MAP2: variants seen among roughly 807,000 people sequenced by gnomAD.
The protein encoded by MAP2 is microtubule associated protein 2.
A neutral mutation model predicts 137.6 loss-of-function variants in MAP2; 14 were observed. The ratio of observed to expected loss-of-function variants is 0.10; its 90% CI spans 0.07 to 0.16. The LOEUF (loss-of-function observed/expected upper bound fraction) is 0.16, where lower values mean the gene tolerates loss of function less well. Among genes scored for constraint, MAP2 ranks in the 10% least tolerant of loss-of-function variants. The pLI, the probability that MAP2 is intolerant of heterozygous loss-of-function variation, is 1.00. For missense variants in MAP2, 2,088 were observed against 2,191.5 expected, an observed-to-expected ratio of 0.95 and a Z score of 0.94; for synonymous variants, 786 against 782.3, an observed-to-expected ratio of 1.00 and a Z score of -0.08.
chr2:209,654,677 C>CACTA (rs113715266), intron 5 of MAP2, among the ~76,000 whole-genome samples: 5,016 of 152,046 alleles, frequency 0.033, 270 homozygotes, highest in African/African-American at 0.11. Flanking sequence ...GTGTCAGGAG[C>CACTA]ACTAAGAGGA....
In MAP2 at chr2:209,639,699, C is replaced by A. The variant is rs552262744; in HGVS notation, c.-29-13443C>A. Among the ~76,000 whole-genome samples the A allele has an allele frequency of 1.2e-4, 18 of 152,212 alleles. No homozygotes were observed. In the South Asian group the frequency reaches 3.7e-3, roughly 32 times the overall value. ...TCTGCCATTGCCTGGCCATCGACCT[C>A]ATTTCCACACTTCCCACTTCACTTC... is the stretch of plus-strand genomic sequence containing the variant. On this transcript the variant is annotated intron_variant, in intron 4 of 15. Transcript: ENST00000682079.
At chr2:209,684,447 C>A (rs2056186620) in intron 7 of MAP2, among the ~76,000 whole-genome samples, 1 of 152,198 alleles carries the variant, frequency 6.6e-6, no homozygotes. Context: ...CGGCCAGCAG[C>A]CATCGACCAT....
At chr2:209,673,119 A>G (rs114850581) in intron 5 of MAP2, among the ~76,000 whole-genome samples, 1,596 of 151,966 alleles carry the variant, frequency 0.011, 23 homozygotes, top group African/African-American at 0.037. Context: ...ATCTGCTATC[A>G]TCTATTGCTC....
intron 2 of MAP2, among the ~76,000 whole-genome samples, chr2:209,556,045 T>C (rs1295371959): frequency 2.1e-5 from 3 of 141,714 alleles, no homozygotes; most frequent in Non-Finnish European, 4.5e-5. Flanking sequence ...TTCTTTTCTT[T>C]TTTTTTTTTT....
At chr2:209,535,257 A>G (rs1186915607) in intron 2 of MAP2, among the ~76,000 whole-genome samples, 2 of 152,114 alleles carry the variant, frequency 1.3e-5, no homozygotes, top group Non-Finnish European at 2.9e-5. Flanking sequence ...CATGTGCTCA[A>G]TTTGTTCTTT....
intron 1 of MAP2, among the ~76,000 whole-genome samples, chr2:209,492,178 A>G (rs1253466359): frequency 6.6e-6 from 1 of 152,238 alleles, no homozygotes; most frequent in Non-Finnish European, 1.5e-5. Flanking sequence ...CATAAAACCA[A>G]TGACAAAAAA....
intron 14 of MAP2, among the ~76,000 whole-genome samples, chr2:209,727,833 C>T (rs529936270): frequency 6.6e-6 from 1 of 152,160 alleles, no homozygotes; most frequent in Non-Finnish European, 1.5e-5. Flanking sequence ...CTAACAGTTG[C>T]ATAAGAATTT....
chr2:209,565,360 G>A (rs1024497543), intron 2 of MAP2, among the ~76,000 whole-genome samples: 3 of 151,970 alleles, frequency 2.0e-5, no homozygotes, highest in Non-Finnish European at 4.4e-5. Flanking sequence ...TGGGACTACA[G>A]GTACACACTA....
rs556964155 is a variant in MAP2 at position 209,599,157 on chromosome 2, A to G, written c.-107+19057A>G. ...TTGCCATTCTAACTGGTGTGAGATG[A>G]TATCTCATTGTGGTTTTGATTTGCA... On this transcript the variant is annotated intron_variant, in intron 3 of 15. Coordinates refer to ENST00000682079, the MANE Select transcript of MAP2 (RefSeq NM_001375505.1). Among the ~76,000 whole-genome samples the G allele has an allele frequency of 4.7e-3, 719 of 152,040 alleles. 2 individuals carry two copies. The highest frequency in any genetic ancestry group is 7.3e-3 in the Non-Finnish European group (497 of 67,926).
intron 5 of MAP2, among the ~76,000 whole-genome samples, chr2:209,662,560 TAA>T (rs2044158985): frequency 6.6e-6 from 1 of 152,194 alleles, no homozygotes; most frequent in African/African-American, 2.4e-5. Context: ...AAGATCTTGT[TAA>T]GTTTTCTCTC....
intron 1 of MAP2, among the ~76,000 whole-genome samples, chr2:209,491,482 C>A (rs1441199516): frequency 6.6e-6 from 1 of 151,744 alleles, no homozygotes; most frequent in African/African-American, 2.4e-5. Flanking sequence ...CATGAAACAC[C>A]CTTCAAAAAA....
rs1559371116 is a variant in MAP2, at chr2:209,593,637, ATATATATAT to A, written c.-107+13538_-107+13546del. Among the ~76,000 whole-genome samples, 39 of 31,836 alleles carry A rather than the reference ATATATATAT, an allele frequency of 1.2e-3. 4 individuals carry two copies. Among genetic ancestry groups the A allele is most frequent in the African/African-American group, 1.6e-3 (11 of 6,814 alleles). The allele number at this position is 31,836 out of a possible 152,430, so 20.9% of individuals were successfully genotyped here. On this transcript the variant is annotated intron_variant, in intron 3 of 15. Transcript: ENST00000682079. Reference sequence around the variant, plus strand: ...GTCTCTACAAAAAAAAAAAAAAAATATATATATATATATATATATATATATATATATATA... The same window carrying A: ...GTCTCTACAAAAAAAAAAAAAAAATAATATATATATATATATATATATATA...
chr2:209,621,790 A>G (rs775477197), intron 3 of MAP2, among the ~76,000 whole-genome samples: 40 of 152,318 alleles, frequency 2.6e-4, no homozygotes, highest in Middle Eastern at 3.4e-3. Context: ...TGAATTTATC[A>G]TTATAGCCTC....
intron 3 of MAP2, among the ~76,000 whole-genome samples, chr2:209,605,748 T>C (rs996286635): frequency 1.3e-5 from 2 of 152,214 alleles, no homozygotes; most frequent in Non-Finnish European, 2.9e-5. Context: ...TGTGCCCTTA[T>C]CCTTGTGGTT....
At chr2:209,545,025 T>G (rs943931497) in intron 2 of MAP2, among the ~76,000 whole-genome samples, 2 of 152,210 alleles carry the variant, frequency 1.3e-5, no homozygotes, top group African/African-American at 4.8e-5. Flanking sequence ...TTCAAACTAT[T>G]TTTGCCTGTT....
chr2:209,726,970 G>A (rs898208765), intron 14 of MAP2, among the ~76,000 whole-genome samples: 3 of 152,140 alleles, frequency 2.0e-5, no homozygotes, highest in Non-Finnish European at 2.9e-5. Flanking sequence ...CAATTGAGCT[G>A]TTAGCTGACA....
At chr2:209,726,725 C>T (rs2074185056) in intron 14 of MAP2, among the ~76,000 whole-genome samples, 2 of 152,216 alleles carry the variant, frequency 1.3e-5, no homozygotes, top group African/African-American at 4.8e-5. Context: ...GATCACACCA[C>T]TGCACTCCAG....
Position 209,730,030 on chromosome 2 carries a change from A to G in MAP2, c.5268+68A>G, listed in dbSNP as rs75179867. The G allele has an allele frequency of 2.1e-3, 2,723 of 1,278,772 alleles. 36 individuals are homozygous for G. The African/African-American group carries it at 0.036, about 17-fold the overall frequency. The allele number at this position is 1,278,772 out of a possible 1,614,324, so 79.2% of individuals were successfully genotyped here. ...AATTCTTCTGAAATACTCTTCATCA[A>G]AATAGGTCCCAGATTGTAGACCTGG... On this transcript the variant is annotated intron_variant, in intron 15 of 15. Coordinates refer to ENST00000682079, the MANE Select transcript of MAP2 (RefSeq NM_001375505.1).
chr2:209,616,084 T>C (rs1457549868), intron 3 of MAP2, among the ~76,000 whole-genome samples: 1 of 152,164 alleles, frequency 6.6e-6, no homozygotes, highest in African/African-American at 2.4e-5. Flanking sequence ...CTCTCCACGC[T>C]TCAATGTCCT....
Sources: gnomAD v4.1 joint callset for allele counts (sites outside exome capture counted in the v4.1 genomes callset) on GRCh38, gnomAD v4.1.1 for gene constraint, MANE v1.5 for transcripts, NCBI Gene and HGNC (gene_info 2026-07-23, HGNC 2026-07-21) for gene names.